MBD5: variants seen among roughly 807,000 people sequenced by gnomAD.
MBD5 encodes the protein methyl-CpG binding domain protein 5.
In MBD5, 13 loss-of-function variants were observed where a neutral mutation model predicts 117.3. The ratio of observed to expected loss-of-function variants is 0.11; its 90% CI spans 0.07 to 0.18. MBD5 has a LOEUF of 0.18. MBD5 is among the 10% of genes least tolerant of loss of function. MBD5 has a pLI of 1.00. For synonymous variants in MBD5, 727 were observed against 766.4 expected (o/e 0.95, Z 0.85); for missense variants, 1,879 against 2,093.8 (o/e 0.90, Z 2.00).
chr2:148,375,875 A>G (rs1004909674), intron 4 of MBD5, among the ~76,000 whole-genome samples: 2 of 152,044 alleles, frequency 1.3e-5, no homozygotes, highest in Admixed American at 1.3e-4. Flanking sequence ...ACCAAATGTT[A>G]GCTGCTCTGA....
chr2:148,482,466 T>A (rs1277724536), intron 8 of MBD5, among the ~76,000 whole-genome samples: 1 of 152,038 alleles, frequency 6.6e-6, no homozygotes, highest in Non-Finnish European at 1.5e-5. Context: ...ATTCTATTTT[T>A]AAAAAATATA....
chr2:148,148,189 G>A (rs1697519770), intron 1 of MBD5, among the ~76,000 whole-genome samples: 1 of 152,134 alleles, frequency 6.6e-6, no homozygotes, highest in Admixed American at 6.5e-5. Flanking sequence ...TCCTGAAAAT[G>A]GAGCTTAGTG....
intron 3 of MBD5, among the ~76,000 whole-genome samples, chr2:148,312,035 A>T (rs1277744297): frequency 6.6e-6 from 1 of 152,114 alleles, no homozygotes; most frequent in Admixed American, 6.6e-5. Context: ...ATCTGATGGG[A>T]TTCCCTTTGT....
chr2:148,283,382 G>T lies in MBD5; in HGVS notation c.-680+49987G>T, dbSNP rs183335558. ...ATTCTTTGGGGATGGGAGTGAAGTA[G>T]ATCTACATTATCTGGTATTTGTATT... On this transcript the variant is annotated intron_variant, in intron 3 of 13. Coordinates refer to ENST00000642680, the MANE Select transcript of MBD5 (RefSeq NM_001378120.1). Among the ~76,000 whole-genome samples, 211 of 152,202 alleles carry T rather than the reference G, an allele frequency of 1.4e-3. 1 individual carries two copies. The highest frequency in any genetic ancestry group is 4.8e-3 in the African/African-American group (201 of 41,540).
intron 12 of MBD5, among the ~76,000 whole-genome samples, chr2:148,505,880 T>C (rs1025259319): frequency 6.6e-6 from 1 of 152,202 alleles, no homozygotes; most frequent in Non-Finnish European, 1.5e-5. Context: ...TTCATAGCTG[T>C]GTGTTCGTAA....
At chr2:148,421,183 A>T (rs1316846441) in intron 4 of MBD5, among the ~76,000 whole-genome samples, 2 of 152,164 alleles carry the variant, frequency 1.3e-5, no homozygotes, top group Non-Finnish European at 2.9e-5. Flanking sequence ...AGCAAGATTG[A>T]CGCATAAGGC....
chr2:148,243,681 AG>A (rs1487682132), intron 3 of MBD5: 6 of 152,104 alleles, frequency 3.9e-5, no homozygotes, highest in Non-Finnish European at 7.4e-5. Context: ...AAGGAAAATT[AG>A]TTCAGTTTAT....
At chr2:148,266,740 A>G (rs894958180) in intron 3 of MBD5, among the ~76,000 whole-genome samples, 1 of 152,166 alleles carries the variant, frequency 6.6e-6, no homozygotes, top group African/African-American at 2.4e-5. Flanking sequence ...AACAAAAACT[A>G]TAGAATAACA....
At chr2:148,467,812 A>C (rs571368781) in intron 7 of MBD5, among the ~76,000 whole-genome samples, 3 of 152,340 alleles carry the variant, frequency 2.0e-5, no homozygotes, top group African/African-American at 7.2e-5. Context: ...AGAAGGTTGC[A>C]GTAAGATAAC....
At chr2:148,087,596 G>T (rs911894099) in intron 1 of MBD5, among the ~76,000 whole-genome samples, 4 of 152,118 alleles carry the variant, frequency 2.6e-5, no homozygotes, top group African/African-American at 9.7e-5. Context: ...CCATTCAGTG[G>T]CTAGACCCGG....
intron 4 of MBD5, among the ~76,000 whole-genome samples, chr2:148,393,842 G>A (rs1023354923): frequency 6.6e-6 from 1 of 152,116 alleles, no homozygotes; most frequent in Non-Finnish European, 1.5e-5. Context: ...TCACCTGAAA[G>A]ATTAGTAGCA....
chr2:148,454,185 G>A (rs1469138387), intron 4 of MBD5, among the ~76,000 whole-genome samples: 1 of 152,104 alleles, frequency 6.6e-6, no homozygotes, highest in Non-Finnish European at 1.5e-5. Context: ...AAGAAAAAAA[G>A]TGGTAATGAT....
intron 3 of MBD5, among the ~76,000 whole-genome samples, chr2:148,293,670 A>C (rs1004581274): frequency 6.6e-6 from 1 of 152,200 alleles, no homozygotes; most frequent in African/African-American, 2.4e-5. Flanking sequence ...TGTTGAATAG[A>C]AGTGGCAAGA....
chr2:148,486,864 C>T (rs1177945941), intron 10 of MBD5, among the ~76,000 whole-genome samples: 1 of 152,142 alleles, frequency 6.6e-6, no homozygotes, highest in Non-Finnish European at 1.5e-5. Flanking sequence ...CTGATACAGT[C>T]CTTTTGGAGG....
In MBD5 at chr2:148,332,213, A is replaced by G. The variant is rs182608768; in HGVS notation, c.-679-10001A>G. ...CCTACCCTACTGCCACAAGCACACC[A>G]TCATTTCTATATAGTTATATAATGA... is the stretch of plus-strand genomic sequence containing the variant. On this transcript the variant is annotated intron_variant, in intron 3 of 13. Transcript: ENST00000642680. 4.3e-4 allele frequency among the ~76,000 whole-genome samples: 66 copies of G among 152,254 alleles called. No homozygotes were observed. In the East Asian group the frequency reaches 7.1e-3, roughly 16 times the overall value.
At chr2:148,145,097 A>G (rs1574061791) in intron 1 of MBD5, among the ~76,000 whole-genome samples, 1 of 151,992 alleles carries the variant, frequency 6.6e-6, no homozygotes, top group South Asian at 2.1e-4. Flanking sequence ...ATGTTCTTCC[A>G]TTTGTTTGTG....
chr2:148,379,978 A>G (rs1271281863), intron 4 of MBD5, among the ~76,000 whole-genome samples: 1 of 152,218 alleles, frequency 6.6e-6, no homozygotes, highest in African/African-American at 2.4e-5. Context: ...ACTGGGAGCA[A>G]GTCTAAGAAC....
At chr2:148,102,899 A>AT (rs901554825) in intron 1 of MBD5, among the ~76,000 whole-genome samples, 44 of 151,336 alleles carry the variant, frequency 2.9e-4, no homozygotes, top group African/African-American at 9.7e-4. Context: ...TTTGTGGGGA[A>AT]TTTTTTTTTA....
chr2:148,466,454 T>C (rs1707261735), intron 7 of MBD5, among the ~76,000 whole-genome samples: 1 of 152,166 alleles, frequency 6.6e-6, no homozygotes, highest in South Asian at 2.1e-4. Flanking sequence ...CCAGTGTCTG[T>C]ATTTTTAATC....
Sources: gnomAD v4.1 joint callset for allele counts (sites outside exome capture counted in the v4.1 genomes callset) on GRCh38, gnomAD v4.1.1 for gene constraint, MANE v1.5 for transcripts, NCBI Gene and HGNC (gene_info 2026-07-23, HGNC 2026-07-21) for gene names.